Variants in EYS observed in about 807,000 individuals in gnomAD.
EYS encodes protein eyes shut homolog.
Under a neutral mutation model 282.1 loss-of-function variants are expected in EYS, and 250 were observed. The observed-to-expected ratio is 0.89, with a 90% confidence interval of 0.80 to 0.98. The LOEUF (loss-of-function observed/expected upper bound fraction) is 0.98, where lower values mean the gene tolerates loss of function less well. EYS is among the 50% of genes least tolerant of loss of function. EYS has a pLI of 0.00. For missense variants in EYS, 4,016 were observed against 3,709.0 expected, an observed-to-expected ratio of 1.08 and a Z score of -2.15; for synonymous variants, 1,355 against 1,282.9, an observed-to-expected ratio of 1.06 and a Z score of -1.20.
intron 19 of EYS, among the ~76,000 whole-genome samples, chr6:64,855,657 G>T (rs181886542): frequency 7.9e-5 from 12 of 152,160 alleles, no homozygotes; most frequent in Non-Finnish European, 1.0e-4. Flanking sequence ...TTATATTAGG[G>T]TTCTCTCTAT....
At chr6:64,459,418 G>A (rs555354361) in intron 26 of EYS, among the ~76,000 whole-genome samples, 2 of 152,128 alleles carry the variant, frequency 1.3e-5, no homozygotes, top group South Asian at 4.1e-4. Flanking sequence ...TAAAGAGAGA[G>A]AACTAATGGG....
intron 34 of EYS, among the ~76,000 whole-genome samples, chr6:63,986,149 C>T (rs146460785): frequency 2.6e-4 from 40 of 151,598 alleles, no homozygotes; most frequent in African/African-American, 8.9e-4. Context: ...GATATACATG[C>T]GGCCAAAAAG....
At chr6:64,136,088 T>C (rs1466083662) in intron 31 of EYS, among the ~76,000 whole-genome samples, 1 of 152,016 alleles carries the variant, frequency 6.6e-6, no homozygotes, top group Non-Finnish European at 1.5e-5. Context: ...TCTATATTCA[T>C]TGTTGTTATT....
intron 13 of EYS, among the ~76,000 whole-genome samples, chr6:65,003,106 T>C (rs116534947): frequency 1.4e-5 from 2 of 147,750 alleles, no homozygotes; most frequent in African/African-American, 4.9e-5. Context: ...AACCTTGAAC[T>C]CTGACCGCCG....
chr6:65,338,661 T>C (rs1198121143), intron 10 of EYS, among the ~76,000 whole-genome samples: 1 of 151,144 alleles, frequency 6.6e-6, no homozygotes. Flanking sequence ...AGTTTTATTC[T>C]AGATATTTTA....
intron 12 of EYS, among the ~76,000 whole-genome samples, chr6:65,284,457 T>C (rs1313053864): frequency 1.3e-5 from 2 of 152,078 alleles, no homozygotes; most frequent in African/African-American, 4.8e-5. Context: ...ATTTTTACCA[T>C]GTATGCTTAT....
intron 12 of EYS, among the ~76,000 whole-genome samples, chr6:65,268,305 C>T (rs1025573109): frequency 2.0e-5 from 3 of 151,768 alleles, no homozygotes; most frequent in African/African-American, 7.3e-5. Flanking sequence ...TACTAGGTAA[C>T]CCATGGTTTT....
chr6:64,000,489 C>G (rs945863651), intron 33 of EYS, among the ~76,000 whole-genome samples: 3 of 151,600 alleles, frequency 2.0e-5, no homozygotes, highest in African/African-American at 7.3e-5. Context: ...CGTGAGCCAC[C>G]GAGCCCGGCA....
intron 2 of EYS, among the ~76,000 whole-genome samples, chr6:65,552,353 A>G (rs1357495473): frequency 1.3e-5 from 2 of 152,236 alleles, no homozygotes; most frequent in Non-Finnish European, 2.9e-5. Flanking sequence ...CCACTAACTA[A>G]GAAATAAACA....
chr6:65,642,498 T>C (rs991092239), intron 1 of EYS, among the ~76,000 whole-genome samples: 1 of 151,062 alleles, frequency 6.6e-6, no homozygotes, highest in East Asian at 2.0e-4. Context: ...ACTTTTAAAA[T>C]TGGGCTACAA....
At chr6:64,796,422 G>A (rs1408978048) in intron 22 of EYS, among the ~76,000 whole-genome samples, 2 of 152,146 alleles carry the variant, frequency 1.3e-5, no homozygotes, top group South Asian at 2.1e-4. Flanking sequence ...CCCATTAAGG[G>A]GAGAGGATAT....
At chr6:63,788,951 T>G (rs1328788877) in intron 38 of EYS, 107 bp downstream of exon 38, 1 of 1,134,692 alleles carries the variant, frequency 8.8e-7, no homozygotes, top group Admixed American at 2.6e-5. Flanking sequence ...GTCTGTGAAC[T>G]TCGTGGATGT....
At chr6:63,795,959 G>C (rs569319603) in intron 37 of EYS, among the ~76,000 whole-genome samples, 1 of 152,272 alleles carries the variant, frequency 6.6e-6, no homozygotes, top group African/African-American at 2.4e-5. Flanking sequence ...TGCCCATGAA[G>C]TAACTGTAAT....
intron 33 of EYS, among the ~76,000 whole-genome samples, chr6:64,019,019 C>T (rs1582141517): frequency 1.3e-5 from 2 of 152,206 alleles, no homozygotes; most frequent in Admixed American, 1.3e-4. Context: ...AAGTGATCCA[C>T]CCACCTTGGC....
At chr6:64,711,566 C>T (rs1053984560) in intron 22 of EYS, among the ~76,000 whole-genome samples, 3 of 152,024 alleles carry the variant, frequency 2.0e-5, no homozygotes, top group African/African-American at 4.8e-5. Context: ...TAGGCATCAC[C>T]GGAAAATGTA....
At chr6:64,601,160 T>C (rs1476338636) in intron 24 of EYS, among the ~76,000 whole-genome samples, 1 of 152,020 alleles carries the variant, frequency 6.6e-6, no homozygotes, top group Non-Finnish European at 1.5e-5. Flanking sequence ...CATGGCTTAG[T>C]ATTCAACTTT....
rs182334513 is a variant in EYS, at chr6:64,634,831, A to C, written c.3444-8586T>G. On this transcript the variant is annotated intron_variant, in intron 22 of 42. Transcript: ENST00000503581. ...TTTTAAGAACATTCAATATAAAAGA[A>C]ATTAGATTTTTATTAAGGGGACTAT... Among the ~76,000 whole-genome samples the C allele has an allele frequency of 4.5e-3, 691 of 152,330 alleles. 4 individuals carry two copies. Among genetic ancestry groups the C allele is most frequent in the Non-Finnish European group, 7.5e-3 (510 of 68,028 alleles).
intron 27 of EYS, among the ~76,000 whole-genome samples, chr6:64,437,663 A>G (rs2150465115): frequency 6.6e-6 from 1 of 151,786 alleles, no homozygotes; most frequent in South Asian, 2.1e-4. Flanking sequence ...ATAAATGGGC[A>G]AATAAGTCAA....
At chr6:63,974,435 T>C (rs183656190) in intron 35 of EYS, among the ~76,000 whole-genome samples, 14 of 152,172 alleles carry the variant, frequency 9.2e-5, no homozygotes, top group African/African-American at 3.1e-4. Context: ...AGAGATACTA[T>C]TAGCATTCTG....
Sources: gnomAD v4.1 joint callset for allele counts (sites outside exome capture counted in the v4.1 genomes callset) on GRCh38, gnomAD v4.1.1 for gene constraint, MANE v1.5 for transcripts, NCBI Gene and HGNC (gene_info 2026-07-23, HGNC 2026-07-21) for gene names.